The following CPA6 variants were observed in gnomAD, a reference collection of about 807,000 sequenced individuals.
The protein encoded by CPA6 is carboxypeptidase A6.
A neutral mutation model predicts 63.3 loss-of-function variants in CPA6; 58 were observed. That is an observed-to-expected ratio of 0.92 (90% CI 0.74 to 1.14). The LOEUF (loss-of-function observed/expected upper bound fraction) is 1.14, where lower values mean the gene tolerates loss of function less well. Ranked by LOEUF, CPA6 falls within the 50% of genes most tolerant of loss-of-function variation. The pLI, the probability that CPA6 is intolerant of heterozygous loss-of-function variation, is 0.00. For missense variants in CPA6, 565 were observed against 526.6 expected (o/e 1.07, Z -0.71); for synonymous variants, 185 against 179.0 (o/e 1.03, Z -0.27).
intron 1 of CPA6, among the ~76,000 whole-genome samples, chr8:67,720,384 C>T (rs140284804): frequency 0.011 from 1,661 of 152,316 alleles, 32 homozygotes; most frequent in Middle Eastern, 0.037. Context: ...ACAGGGGATG[C>T]GATGGCTTGG....
chr8:67,655,500 G>T (rs1815963526), intron 1 of CPA6, among the ~76,000 whole-genome samples: 1 of 152,100 alleles, frequency 6.6e-6, no homozygotes, highest in South Asian at 2.1e-4. Context: ...CCCCTGATAT[G>T]GTTTGTCATG....
intron 2 of CPA6, among the ~76,000 whole-genome samples, chr8:67,539,914 G>T (rs4737844): frequency 0.31 from 47,110 of 151,796 alleles, 7,629 homozygotes; most frequent in South Asian, 0.4. Context: ...TTTTATCAAG[G>T]TTCTTAGCTT....
At chr8:67,655,071 A>G (rs761072457) in intron 1 of CPA6, among the ~76,000 whole-genome samples, 1 of 152,168 alleles carries the variant, frequency 6.6e-6, no homozygotes, top group Non-Finnish European at 1.5e-5. Context: ...ATAAAAGAGA[A>G]TTATTTAATC....
intron 1 of CPA6, among the ~76,000 whole-genome samples, chr8:67,662,484 G>GAATACATACACACGTATATGTATATATAT (rs1816135732): frequency 6.9e-6 from 1 of 145,754 alleles, no homozygotes; most frequent in Non-Finnish European, 1.5e-5. Context: ...TGTATATATA[G>GAATACATACACACGTATATGTATATATAT]AATACATACA....
intron 1 of CPA6, among the ~76,000 whole-genome samples, chr8:67,710,756 G>A (rs144478067): frequency 1.3e-5 from 2 of 151,378 alleles, no homozygotes; most frequent in Non-Finnish European, 2.9e-5. Flanking sequence ...TCTGTTGGGG[G>A]GGGCTTAGAA....
intron 1 of CPA6, among the ~76,000 whole-genome samples, chr8:67,629,427 G>A (rs1815268102): frequency 6.9e-6 from 1 of 145,706 alleles, no homozygotes; most frequent in Admixed American, 7.1e-5. Context: ...GCTGCAGTGA[G>A]CTATGATCAA....
chr8:67,682,476 T>C (rs939230183), intron 1 of CPA6, among the ~76,000 whole-genome samples: 5 of 152,244 alleles, frequency 3.3e-5, no homozygotes, highest in African/African-American at 1.2e-4. Context: ...GTTAATGTTC[T>C]TGTCTACTTA....
rs548787592 is a variant in CPA6 at position 67,545,993 on chromosome 8, C to G, written c.193-27946G>C. Among the ~76,000 whole-genome samples, 6 of 152,288 alleles carry G rather than the reference C, an allele frequency of 3.9e-5. No homozygotes were observed. The South Asian group carries it at 1.2e-3, about 32-fold the overall frequency. On this transcript the variant is annotated intron_variant, in intron 2 of 10. Transcript: ENST00000297770. ...CATGCACCTTTTCATCATCTCCTCT[C>G]CCAGTCACACAGACAGACTCATCCC... is the stretch of plus-strand genomic sequence containing the variant.
At chr8:67,668,200 A>T (rs772665954) in intron 1 of CPA6, among the ~76,000 whole-genome samples, 2 of 152,260 alleles carry the variant, frequency 1.3e-5, no homozygotes, top group Non-Finnish European at 2.9e-5. Context: ...TTATGGCTAG[A>T]AAATTGTTTT....
rs58059553 is a variant in CPA6 at position 67,430,131 on chromosome 8, A to ATGTGTGTGTGTG, written c.1042-2012_1042-2001dup. Among the ~76,000 whole-genome samples the ATGTGTGTGTGTG allele has an allele frequency of 3.1e-5, 4 of 128,668 alleles. No homozygotes were observed. In the South Asian group the frequency reaches 7.7e-4, roughly 25 times the overall value. 84.4% of individuals were successfully genotyped at this position (128,668 alleles called of 152,430 possible). ...TCAGCTAAGTAAATGGTATATATAT[A>ATGTGTGTGTGTG]TGTGTGTGTGTGTGTGTGTGTGTGT... is the stretch of plus-strand genomic sequence containing the variant. On this transcript the variant is annotated intron_variant, in intron 9 of 10. Transcript: ENST00000297770.
At chr8:67,503,679 T>C (rs1301080404) in intron 6 of CPA6, among the ~76,000 whole-genome samples, 1 of 152,124 alleles carries the variant, frequency 6.6e-6, no homozygotes, top group Non-Finnish European at 1.5e-5. Flanking sequence ...ATAGTAATAA[T>C]AATTGATTTT....
At chr8:67,585,491 A>G (rs1413309785) in intron 2 of CPA6, among the ~76,000 whole-genome samples, 2 of 152,102 alleles carry the variant, frequency 1.3e-5, no homozygotes, top group African/African-American at 4.8e-5. Flanking sequence ...GTTGTTAGAC[A>G]TGGGGGCATG....
chr8:67,636,080 G>T (rs1199985703), intron 1 of CPA6, among the ~76,000 whole-genome samples: 2 of 151,568 alleles, frequency 1.3e-5, no homozygotes, highest in Admixed American at 6.6e-5. Flanking sequence ...AGCAACTTTT[G>T]TTGGTTTGGG....
At chr8:67,637,212 G>T (rs867581467) in intron 1 of CPA6, among the ~76,000 whole-genome samples, 3 of 151,512 alleles carry the variant, frequency 2.0e-5, no homozygotes, top group Non-Finnish European at 2.9e-5. Context: ...ATTTTCTCAC[G>T]GTAGCTCACA....
At chr8:67,437,937 A>G (rs1810199464) in intron 8 of CPA6, among the ~76,000 whole-genome samples, 1 of 151,928 alleles carries the variant, frequency 6.6e-6, no homozygotes. Context: ...GTGGGGGGTG[A>G]TGGAGTCTTG....
intron 2 of CPA6, among the ~76,000 whole-genome samples, chr8:67,618,832 G>A (rs915485408): frequency 5.9e-5 from 9 of 152,330 alleles, no homozygotes; most frequent in African/African-American, 2.2e-4. Flanking sequence ...AGAATGTGGT[G>A]TAGGGACTTT....
At chr8:67,488,826 G>C (rs763579224) in intron 6 of CPA6, among the ~76,000 whole-genome samples, 1 of 152,170 alleles carries the variant, frequency 6.6e-6, no homozygotes, top group Non-Finnish European at 1.5e-5. Context: ...TTGTGAATGG[G>C]AGTTCACTCA....
At chr8:67,571,984 G>A (rs529619388) in intron 2 of CPA6, among the ~76,000 whole-genome samples, 3 of 151,962 alleles carry the variant, frequency 2.0e-5, no homozygotes, top group Non-Finnish European at 4.4e-5. Flanking sequence ...AATCAGAAAC[G>A]AAAGTGGAAA....
chr8:67,486,490 C>T (rs75039520), intron 6 of CPA6, among the ~76,000 whole-genome samples: 2,852 of 152,292 alleles, frequency 0.019, 78 homozygotes, highest in African/African-American at 0.065. Flanking sequence ...CTATGATGTT[C>T]ACACAATGAT....
Sources: allele counts gnomAD v4.1 joint callset (sites outside exome capture counted in the v4.1 genomes callset), GRCh38; gene constraint gnomAD v4.1.1; transcripts MANE v1.5; gene names NCBI Gene and HGNC (gene_info 2026-07-23, HGNC 2026-07-21).